The following VSIG10L2 variants were observed in gnomAD, a reference collection of about 807,000 sequenced individuals.
VSIG10L2 encodes the protein V-set and immunoglobulin domain-containing protein 10-like 2.
In VSIG10L2, 56 loss-of-function variants were observed where a neutral mutation model predicts 67.1. The ratio of observed to expected loss-of-function variants is 0.83; its 90% CI spans 0.67 to 1.04. VSIG10L2 has a LOEUF of 1.04. Among genes scored for constraint, VSIG10L2 ranks in the 50% least tolerant of loss-of-function variants. The pLI is 0.00. For synonymous variants in VSIG10L2, 360 were observed against 396.6 expected (o/e 0.91, Z 1.10); for missense variants, 843 against 932.8 (o/e 0.90, Z 1.25).
chr11:125,947,423 C>T, intron 1 of VSIG10L2: 1 of 985,376 alleles, frequency 1.0e-6, no homozygotes. Flanking sequence ...TCTAGTGACC[C>T]ATGAGGAGTG....
intron 3 of VSIG10L2, among the ~76,000 whole-genome samples, chr11:125,949,620 C>T (rs1174380419): frequency 6.6e-6 from 1 of 152,106 alleles, no homozygotes; most frequent in Non-Finnish European, 1.5e-5. Flanking sequence ...AAGGAGGTGG[C>T]TGCTGGGATA....
intron 7 of VSIG10L2, 113 bp from the exon 8 acceptor site, chr11:125,953,974 C>A: frequency 2.1e-6 from 2 of 937,858 alleles, no homozygotes; most frequent in Non-Finnish European, 2.8e-6. Flanking sequence ...AGACCCCAAT[C>A]CAGTGCCTTG....
chr11:125,956,242 A>G lies in VSIG10L2; in HGVS notation c.*328A>G, dbSNP rs753144140. The G allele has an allele frequency of 1.2e-5, 6 of 520,858 alleles. No homozygotes were observed. Among genetic ancestry groups the G allele is most frequent in the South Asian group, 9.2e-5 (6 of 65,196 alleles). The allele number at this position is 520,858 out of a possible 1,614,324, so 32.3% of individuals were successfully genotyped here. ...GGATCTGTGGTGCTATAGAAGTATG[A>G]GCAAGCTAGCTGCTTCCAGAAAAAA... On this transcript the variant is annotated 3_prime_UTR_variant, in exon 12 of 12. Transcript: ENST00000686984.
intron 5 of VSIG10L2, 65 bp downstream of exon 5, chr11:125,951,223 T>G (rs1591529947): frequency 8.1e-7 from 1 of 1,231,082 alleles, no homozygotes; most frequent in Non-Finnish European, 1.0e-6. Context: ...GAGGTCAGGG[T>G]AGAGGCGGGG....
Position 125,951,081 on chromosome 11 carries a change from T to C in VSIG10L2, c.1157T>C (p.Leu386Pro). 8.1e-7 allele frequency: 1 copy of C among 1,232,498 alleles called. No homozygotes were observed. The highest frequency in any genetic ancestry group is 1.0e-6 in the Non-Finnish European group (1 of 988,340). The allele number at this position is 1,232,498 out of a possible 1,614,324, so 76.3% of individuals were successfully genotyped here. ...NVTWSHAAAQ[L>P]PSGSVFTCTG... ...ACCTGGAGTCACGCAGCCGCCCAGCTCCCCAGTGGCAGCGTCTTCACCTGC... is the reference window on the plus strand; with the variant it reads ...ACCTGGAGTCACGCAGCCGCCCAGCCCCCCAGTGGCAGCGTCTTCACCTGC... The change falls in exon 5 of 12, where the codon CTC (leucine) becomes CCC (proline). Residue 386 changes from leucine (L) to proline (P), a missense_variant. By Grantham distance (98) the Leu-to-Pro change is moderately conservative. Coordinates refer to ENST00000686984, the MANE Select transcript of VSIG10L2 (RefSeq NM_001365077.2).
In VSIG10L2 at chr11:125,950,032, TG is replaced by T. The variant is rs1279743085; in HGVS notation, c.729del (p.Ile244SerfsTer21). 4.1e-6 allele frequency: 5 copies of T among 1,232,220 alleles called. No homozygotes were observed. The highest frequency in any genetic ancestry group is 5.1e-6 in the Non-Finnish European group (5 of 988,100). The allele number at this position is 1,232,220 out of a possible 1,614,324, so 76.3% of individuals were successfully genotyped here. ...LDVIYGPDKP[V>X]ITMEPLGLTE... ...TCTCCAGATGGTCCTGACAAGCCTGTGATCACCATGGAGCCGCTGGGACTCA... is the reference window on the plus strand; with the variant it reads ...TCTCCAGATGGTCCTGACAAGCCTGTATCACCATGGAGCCGCTGGGACTCA... On this transcript the variant is annotated frameshift_variant, in exon 4 of 12. Transcript: ENST00000686984. LOFTEE classifies it high-confidence loss of function.
chr11:125,947,253 CCTT>C (rs1050413868), intron 1 of VSIG10L2, among the ~76,000 whole-genome samples: 50 of 152,268 alleles, frequency 3.3e-4, no homozygotes, highest in African/African-American at 1.2e-3. Context: ...AAGCAGATCT[CCTT>C]ATCTCCAGGG....
rs1447648119 is a variant in VSIG10L2, at chr11:125,947,986, C to G, written c.383C>G (p.Ala128Gly). 1.5e-5 allele frequency: 19 copies of G among 1,232,150 alleles called. No homozygotes were observed. In the East Asian group the frequency reaches 2.8e-4, roughly 18 times the overall value. The allele number at this position is 1,232,150 out of a possible 1,614,324, so 76.3% of individuals were successfully genotyped here. The change falls in exon 2 of 12, where the codon GCT (alanine) becomes GGT (glycine). Residue 128 changes from alanine (A) to glycine (G), a missense_variant. Coordinates refer to ENST00000686984, the MANE Select transcript of VSIG10L2 (RefSeq NM_001365077.2). ...TTCCTATGCCAGGTTCTGCACGTGG[C>G]TGGCGGCCAGCTCCACGCTGCCTAC... ...GHFLCQVLHV[A>G]GGQLHAAYSH...
rs1193417941 is a variant in VSIG10L2, at chr11:125,946,474, C to A, written c.82+337C>A. On this transcript the variant is annotated intron_variant, in intron 1 of 11. Transcript: ENST00000686984. This position sits in a 1 kb window ranked among gnomAD's most constrained non-coding sequence, Gnocchi z 4.4. ...ATTGCCATAATCCAGGTGAGAGATG[C>A]TGGCATCTTGGGCCAAAGCAATGTC... Among the ~76,000 whole-genome samples, 2 of 151,932 alleles carry A rather than the reference C, an allele frequency of 1.3e-5. No individual in the cohort carries two copies. The highest frequency in any genetic ancestry group is 4.8e-5 in the African/African-American group (2 of 41,360).
Position 125,950,917 on chromosome 11 carries a change from T to G in VSIG10L2, c.993T>G (p.Pro331=). ...ACCCACTTCCCCATCCAGATCCCCCTGAGGGACAGCCCTCCTGTGCAGTGC... is the reference window on the plus strand; with the variant it reads ...ACCCACTTCCCCATCCAGATCCCCCGGAGGGACAGCCCTCCTGTGCAGTGC... ...TTVQLTIYYP[P]EGQPSCAVHP... Residue 331 remains proline (P), a synonymous_variant, in exon 5 of 12, where the codon CCT becomes CCG. Coordinates refer to ENST00000686984, the MANE Select transcript of VSIG10L2 (RefSeq NM_001365077.2). 1 of 1,232,534 alleles carries G rather than the reference T, an allele frequency of 8.1e-7. No homozygotes were observed. Among genetic ancestry groups the G allele is most frequent in the Non-Finnish European group, 1.0e-6 (1 of 988,262 alleles). 76.3% of individuals were successfully genotyped at this position (1,232,534 alleles called of 1,614,324 possible). A position where few individuals can be genotyped will look rare whatever the true frequency, so the allele number is the denominator to read the frequency against.
chr11:125,954,675 C>T (rs1591531603), intron 8 of VSIG10L2, among the ~76,000 whole-genome samples: 1 of 152,236 alleles, frequency 6.6e-6, no homozygotes, highest in Non-Finnish European at 1.5e-5. Flanking sequence ...GAACAGGAGC[C>T]GACTCTGTGC....
At chr11:125,955,215 C>A in intron 9 of VSIG10L2, 36 bp downstream of exon 9, 1 of 1,261,224 alleles carries the variant, frequency 7.9e-7, no homozygotes, top group Non-Finnish European at 9.9e-7. Flanking sequence ...CTGCTTGACC[C>A]CACAGGGTGG....
intron 4 of VSIG10L2, among the ~76,000 whole-genome samples, 160 bp downstream of exon 4, chr11:125,950,449 G>A (rs1360491677): frequency 1.3e-5 from 2 of 152,120 alleles, no homozygotes; most frequent in African/African-American, 2.4e-5. Flanking sequence ...GGAGTTGGAG[G>A]CAGGGAAAGA....
Position 125,954,392 on chromosome 11 carries a change from T to A in VSIG10L2, c.2083+9T>A, listed in dbSNP as rs1398411975. 2 of 1,232,078 alleles carry A rather than the reference T, an allele frequency of 1.6e-6. No homozygotes were observed. Among genetic ancestry groups the A allele is most frequent in the Non-Finnish European group, 2.0e-6 (2 of 988,038 alleles). 76.3% of individuals were successfully genotyped at this position (1,232,078 alleles called of 1,614,324 possible). ...TGAGGTGAAGATACCAGGTGCCAGC[T>A]AATGCCAGGGAGGGACCCACCTTTT... On this transcript the variant is annotated intron_variant, in intron 8 of 11. Transcript: ENST00000686984.
intron 3 of VSIG10L2, among the ~76,000 whole-genome samples, chr11:125,949,317 TA>T (rs956413326): frequency 8.6e-5 from 13 of 151,920 alleles, no homozygotes; most frequent in African/African-American, 2.2e-4. Flanking sequence ...GAACGTGTTA[TA>T]AAAAAAAATC....
At chr11:125,952,571 C>T (rs1945392478) in intron 6 of VSIG10L2, among the ~76,000 whole-genome samples, 1 of 152,180 alleles carries the variant, frequency 6.6e-6, no homozygotes, top group Admixed American at 6.5e-5. Flanking sequence ...TAGCACTGAT[C>T]TAGATGAAGT....
intron 6 of VSIG10L2, 41 bp downstream of exon 6, chr11:125,952,114 G>A: frequency 6.7e-7 from 1 of 1,503,246 alleles, no homozygotes; most frequent in Non-Finnish European, 8.9e-7. Context: ...GCTGGGACAG[G>A]AGGAGGAACC....
At chr11:125,953,931 C>A (rs1945413697) in intron 7 of VSIG10L2, among the ~76,000 whole-genome samples, 156 bp from the exon 8 acceptor site, 1 of 152,208 alleles carries the variant, frequency 6.6e-6, no homozygotes, top group Non-Finnish European at 1.5e-5. Context: ...ATGAAAAAAA[C>A]TGATGGGACA....
At chr11:125,952,633 G>A (rs943386179) in intron 6 of VSIG10L2, among the ~76,000 whole-genome samples, 1 of 152,170 alleles carries the variant, frequency 6.6e-6, no homozygotes, top group Non-Finnish European at 1.5e-5. Context: ...TAAGAGAGGT[G>A]CCTGATTATA....
Sources: gnomAD v4.1 joint callset for allele counts (sites outside exome capture counted in the v4.1 genomes callset) on GRCh38, gnomAD v4.1.1 for gene constraint, Gnocchi (gnomAD v3.1) non-coding constraint, MANE v1.5 for transcripts, NCBI Gene and HGNC (gene_info 2026-07-23, HGNC 2026-07-21) for gene names.